Variants in SV2B observed in about 807,000 individuals in gnomAD.
The protein encoded by SV2B is solute carrier family 22 member B2.
Under a neutral mutation model 73.9 loss-of-function variants are expected in SV2B, and 41 were observed. That is an observed-to-expected ratio of 0.56 (90% CI 0.43 to 0.72). The LOEUF is 0.72. SV2B is among the 30% of genes least tolerant of loss of function. SV2B has a pLI of 0.00. For missense variants in SV2B, 764 were observed against 857.8 expected, an observed-to-expected ratio of 0.89 and a Z score of 1.37; for synonymous variants, 314 against 314.2, an observed-to-expected ratio of 1.00 and a Z score of 0.01.
rs145577148 is a variant in SV2B, at chr15:91,230,325, C to T, written c.451+3611C>T. 1.8e-4 allele frequency among the ~76,000 whole-genome samples: 28 copies of T among 151,836 alleles called. No individual in the cohort carries two copies. In the East Asian group the frequency reaches 5.4e-3, roughly 29 times the overall value. On this transcript the variant is annotated intron_variant, in intron 2 of 12. Transcript: ENST00000394232. The stretch of plus-strand genomic sequence containing the variant: ...TTTACTCTTGACTCCTACTTGATGG[C>T]CCAGGAAAGGAATTCAGTAAGAGAA...
intron 9 of SV2B, among the ~76,000 whole-genome samples, chr15:91,269,805 A>G (rs2048232747): frequency 6.6e-6 from 1 of 152,250 alleles, no homozygotes; most frequent in Admixed American, 6.5e-5. Context: ...GTTTTGGACT[A>G]AGTATCATTG....
At chr15:91,148,384 G>A (rs1412083432) in intron 1 of SV2B, among the ~76,000 whole-genome samples, 1 of 152,114 alleles carries the variant, frequency 6.6e-6, no homozygotes, top group African/African-American at 2.4e-5. Context: ...AGCACAGGAA[G>A]CAGGAAAAGC....
In SV2B at chr15:91,130,690, C is replaced by T. The variant is rs1238129293; in HGVS notation, c.-392+30327C>T. ...GTGAGTCTTGCAGACATACTGCCTG[C>T]ATGGAGGTGAGAAGAAGAGCTGCAG... On this transcript the variant is annotated intron_variant, in intron 1 of 12. Transcript: ENST00000394232. The surrounding 1 kb of genome is among the most constrained non-coding windows in gnomAD (Gnocchi z 5.6). Among the ~76,000 whole-genome samples the T allele has an allele frequency of 6.6e-6, 1 of 152,028 alleles. No individual in the cohort carries two copies. Among genetic ancestry groups the T allele is most frequent in the Admixed American group, 6.6e-5 (1 of 15,260 alleles).
intron 1 of SV2B, among the ~76,000 whole-genome samples, chr15:91,203,834 C>G (rs1047992692): frequency 6.6e-6 from 1 of 152,154 alleles, no homozygotes; most frequent in Non-Finnish European, 1.5e-5. Flanking sequence ...GTCTCTCTCT[C>G]TCTCCTCCCC....
At chr15:91,135,899 T>C (rs574894043) in intron 1 of SV2B, among the ~76,000 whole-genome samples, 1 of 152,284 alleles carries the variant, frequency 6.6e-6, no homozygotes, top group South Asian at 2.1e-4. Flanking sequence ...CTCCTCTCTG[T>C]TCATTACAAA....
In SV2B at chr15:91,136,754, C is replaced by G. The variant is rs528867834; in HGVS notation, c.-392+36391C>G. 6.6e-6 allele frequency among the ~76,000 whole-genome samples: 1 copy of G among 151,990 alleles called. No individual in the cohort carries two copies. The highest frequency in any genetic ancestry group is 2.4e-5 in the African/African-American group (1 of 41,374). On this transcript the variant is annotated intron_variant, in intron 1 of 12. Transcript: ENST00000394232. The surrounding 1 kb of genome is among the most constrained non-coding windows in gnomAD (Gnocchi z 5.6). ...TCAGGGAGGAGGGGGTGGTGACAGC[C>G]GGGTTGACCAGCTCTCCTGCTGTGC...
At position 91,220,890 on chromosome 15, in the gene SV2B, GTC is replaced by G. The variant is rs35303960; in HGVS notation, c.-391-4975_-391-4974del. 0.31 allele frequency among the ~76,000 whole-genome samples: 46,325 copies of G among 151,692 alleles called. 9,136 individuals carry two copies. Among genetic ancestry groups the G allele is most frequent in the African/African-American group, 0.57 (23,519 of 41,298 alleles). On this transcript the variant is annotated intron_variant, in intron 1 of 12. Transcript: ENST00000394232. The surrounding 1 kb of genome is among the most constrained non-coding windows in gnomAD (Gnocchi z 4.1). Reference sequence around the variant, plus strand: ...TTTATTTTATTTTTTTGAGACAGGGGTCTCTCTCTTTCACCCAGGCTGGAGGG... The same window carrying G: ...TTTATTTTATTTTTTTGAGACAGGGGTCTCTCTTTCACCCAGGCTGGAGGG...
intron 1 of SV2B, among the ~76,000 whole-genome samples, chr15:91,157,714 G>A (rs2043540222): frequency 1.3e-5 from 2 of 152,174 alleles, no homozygotes; most frequent in Admixed American, 6.5e-5. Flanking sequence ...GTGCTAAGTG[G>A]CAGAGCCAGG....
intron 9 of SV2B, among the ~76,000 whole-genome samples, chr15:91,276,421 C>CT (rs1361527490): frequency 6.6e-6 from 1 of 151,980 alleles, no homozygotes; most frequent in African/African-American, 2.4e-5. Flanking sequence ...TTTCTCTTAT[C>CT]TTTCTTGAAT....
intron 1 of SV2B, among the ~76,000 whole-genome samples, chr15:91,194,762 G>A (rs778962521): frequency 6.6e-6 from 1 of 152,202 alleles, no homozygotes; most frequent in East Asian, 1.9e-4. Flanking sequence ...GTTACTCCTT[G>A]TGGTGGGCTG....
intron 1 of SV2B, among the ~76,000 whole-genome samples, chr15:91,211,477 C>CGCT (rs147025263): frequency 2.6e-5 from 4 of 151,202 alleles, no homozygotes; most frequent in Admixed American, 6.6e-5. Context: ...CCTCTTCCTC[C>CGCT]GCTGCTGCTG....
intron 1 of SV2B, among the ~76,000 whole-genome samples, chr15:91,191,216 C>T (rs1314827403): frequency 6.6e-6 from 1 of 151,684 alleles, no homozygotes; most frequent in Non-Finnish European, 1.5e-5. Flanking sequence ...CAGGCACTGG[C>T]CACCACACCC....
intron 1 of SV2B, among the ~76,000 whole-genome samples, chr15:91,212,130 C>T (rs1262717346): frequency 6.6e-6 from 1 of 152,202 alleles, no homozygotes; most frequent in Admixed American, 6.5e-5. Context: ...TGTTGTGTGC[C>T]ATGAGCCTCC....
rs1177883872 is a variant in SV2B at position 91,227,080 on chromosome 15, A to G, written c.451+366A>G. On this transcript the variant is annotated intron_variant, in intron 2 of 12. Transcript: ENST00000394232. The surrounding 1 kb of genome is among the most constrained non-coding windows in gnomAD (Gnocchi z 4.5). The stretch of plus-strand genomic sequence containing the variant: ...AAATTAAACCTTCTTCCATGTCCAA[A>G]TGACAAATACATTTGGGAAGAGATC... 6.6e-6 allele frequency among the ~76,000 whole-genome samples: 1 copy of G among 152,136 alleles called. No individual in the cohort carries two copies. The highest frequency in any genetic ancestry group is 2.4e-5 in the African/African-American group (1 of 41,428).
rs2042232609 is a variant in SV2B at position 91,118,240 on chromosome 15, T to C, written c.-392+17877T>C. On this transcript the variant is annotated intron_variant, in intron 1 of 12. Transcript: ENST00000394232. This position sits in a 1 kb window ranked among gnomAD's most constrained non-coding sequence, Gnocchi z 4.7. ...CCCTAGCTGGGTGTTTGCTGATCCA[T>C]GGTTCTGGTGGAATGGAGTCTACTA... Among the ~76,000 whole-genome samples the C allele has an allele frequency of 6.6e-6, 1 of 152,114 alleles. No individual in the cohort carries two copies. Among genetic ancestry groups the C allele is most frequent in the Non-Finnish European group, 1.5e-5 (1 of 68,026 alleles).
At position 91,240,449 on chromosome 15, in the gene SV2B, C is replaced by T. The variant is rs936553093; in HGVS notation, c.452-11370C>T. 2.6e-4 allele frequency among the ~76,000 whole-genome samples: 40 copies of T among 152,218 alleles called. No homozygotes were observed. Among genetic ancestry groups the T allele is most frequent in the African/African-American group, 9.2e-4 (38 of 41,518 alleles). On this transcript the variant is annotated intron_variant, in intron 2 of 12. Coordinates refer to ENST00000394232, the MANE Select transcript of SV2B (RefSeq NM_001323032.3). The surrounding 1 kb of genome is among the most constrained non-coding windows in gnomAD (Gnocchi z 4.6). ...CTCCTTAAAAGAGTCAACTTACTCA[C>T]GGGCTTGTTTACTGATGAACAAGAG...
Position 91,229,100 on chromosome 15 carries a change from A to G in SV2B, c.451+2386A>G, listed in dbSNP as rs529835387. 6.6e-6 allele frequency among the ~76,000 whole-genome samples: 1 copy of G among 152,218 alleles called. No homozygotes were observed. The highest frequency in any genetic ancestry group is 2.4e-5 in the African/African-American group (1 of 41,452). On this transcript the variant is annotated intron_variant, in intron 2 of 12. Coordinates refer to ENST00000394232, the MANE Select transcript of SV2B (RefSeq NM_001323032.3). The surrounding 1 kb of genome is among the most constrained non-coding windows in gnomAD (Gnocchi z 4.3). Reference sequence around the variant, plus strand: ...CTCTCACGCCTCGTTTGTGGGAAGGAGGTCATGCCGTGCACAGGCTGCTCT... The same window carrying G: ...CTCTCACGCCTCGTTTGTGGGAAGGGGGTCATGCCGTGCACAGGCTGCTCT...
chr15:91,226,742 C>T lies in SV2B; in HGVS notation c.451+28C>T, dbSNP rs530620751. ...AAGTGGAAATTTCCAATGATCCCTC[C>T]AATGAAAGGGAAGGAGAAGTAAAAT... On this transcript the variant is annotated intron_variant, in intron 2 of 12. Coordinates refer to ENST00000394232, the MANE Select transcript of SV2B (RefSeq NM_001323032.3). 3 of 1,589,312 alleles carry T rather than the reference C, an allele frequency of 1.9e-6. No homozygotes were observed. The East Asian group carries it at 6.7e-5, about 35-fold the overall frequency.
At position 91,152,319 on chromosome 15, in the gene SV2B, T is replaced by C. The variant is rs529878032; in HGVS notation, c.-392+51956T>C. On this transcript the variant is annotated intron_variant, in intron 1 of 12. Coordinates refer to ENST00000394232, the MANE Select transcript of SV2B (RefSeq NM_001323032.3). The stretch of plus-strand genomic sequence containing the variant: ...CTCTATGAACACACATGGTTAATGG[T>C]GTTTGGAGGAGCTGGGTGGGAGCTG... Among the ~76,000 whole-genome samples, 20 of 152,208 alleles carry C rather than the reference T, an allele frequency of 1.3e-4. No homozygotes were observed. In the East Asian group the frequency reaches 3.7e-3, roughly 28 times the overall value.
Sources: allele counts gnomAD v4.1 joint callset (sites outside exome capture counted in the v4.1 genomes callset), GRCh38; gene constraint gnomAD v4.1.1; non-coding constraint Gnocchi (gnomAD v3.1); transcripts MANE v1.5; gene names NCBI Gene and HGNC (gene_info 2026-07-23, HGNC 2026-07-21).